The following MYT1 variants were observed in gnomAD, a reference collection of about 807,000 sequenced individuals.
The protein encoded by MYT1 is myelin transcription factor 1, also known as myelin transcription factor I.
In MYT1, 23 loss-of-function variants were observed where a neutral mutation model predicts 123.0. That is an observed-to-expected ratio of 0.19 (90% confidence interval 0.13 to 0.26). The LOEUF (loss-of-function observed/expected upper bound fraction) is 0.26, where lower values mean the gene tolerates loss of function less well. MYT1 is among the 10% of genes least tolerant of loss of function. MYT1 has a pLI of 1.00. For missense variants in MYT1, 1,125 were observed against 1,472.5 expected, an observed-to-expected ratio of 0.76 and a Z score of 3.86; for synonymous variants, 518 against 575.3, an observed-to-expected ratio of 0.90 and a Z score of 1.43.
chr20:64,213,594 G>A lies in MYT1; in HGVS notation c.1578G>A (p.Gln526=), dbSNP rs934206333. ...EKLAKSHEKQ[Q]PQTGDPSKSS... ...TAGCCAAATCCCATGAGAAGCAGCAGCCGCAGACAGGAGATCCTTCCAAGA... is the reference window on the plus strand; with the variant it reads ...TAGCCAAATCCCATGAGAAGCAGCAACCGCAGACAGGAGATCCTTCCAAGA... The change falls in exon 10 of 23, where the codon CAG becomes CAA. Residue 526 remains glutamine, a synonymous_variant. Transcript: ENST00000328439. This position sits in a 1 kb window ranked among gnomAD's most constrained non-coding sequence, Gnocchi z 5.6. 6.2e-7 allele frequency: 1 copy of A among 1,614,140 alleles called. No homozygotes were observed.
At position 64,207,893 on chromosome 20, in the gene MYT1, C is replaced by G; in HGVS notation, c.697C>G (p.Gln233Glu). The change falls in exon 7 of 23, where the codon CAG (glutamine) becomes GAG (glutamate). Residue 233 changes from glutamine (Q) to glutamate (E), a missense_variant. By Grantham distance (29) the Gln-to-Glu change is conservative. Coordinates refer to ENST00000328439, the MANE Select transcript of MYT1 (RefSeq NM_004535.3). ...EVVEVTTERS[Q>E]DLCPQSLEDA... ...CGTCGAAGTCACCACCGAGCGCTCC[C>G]AGGACCTGTGTCCCCAGTCCCTGGA... 6.8e-6 allele frequency: 11 copies of G among 1,613,062 alleles called. No individual in the cohort carries two copies. Among genetic ancestry groups the G allele is most frequent in the Non-Finnish European group, 9.3e-6 (11 of 1,179,770 alleles).
chr20:64,207,457 T>G, intron 6 of MYT1, 137 bp from the exon 7 acceptor site: 2 of 1,447,236 alleles, frequency 1.4e-6, no homozygotes, highest in Admixed American at 2.4e-5. Flanking sequence ...ACTTCTGGAG[T>G]TTCATGTTTC....
chr20:64,169,381 G>A (rs1982177180), intron 1 of MYT1, among the ~76,000 whole-genome samples: 1 of 152,200 alleles, frequency 6.6e-6, no homozygotes, highest in African/African-American at 2.4e-5. Flanking sequence ...AAAGCGCTTG[G>A]GTCTTTACAC....
At position 64,192,768 on chromosome 20, in the gene MYT1, A is replaced by G. The variant is rs945112171; in HGVS notation, c.-1+2608A>G. The stretch of plus-strand genomic sequence containing the variant: ...AACCCTTCTTCCTGCCACCCAGGGC[A>G]GGAGGTGCCTCTGGCAAGGACTACT... On this transcript the variant is annotated intron_variant, in intron 2 of 22. Coordinates refer to ENST00000328439, the MANE Select transcript of MYT1 (RefSeq NM_004535.3). The surrounding 1 kb of genome is among the most constrained non-coding windows in gnomAD (Gnocchi z 5.3). 6.6e-6 allele frequency among the ~76,000 whole-genome samples: 1 copy of G among 152,244 alleles called. No homozygotes were observed. Among genetic ancestry groups the G allele is most frequent in the African/African-American group, 2.4e-5 (1 of 41,480 alleles).
rs922296370 is a variant in MYT1, at chr20:64,202,359, A to G, written c.86+2437A>G. ...GAGAACTGATGACGTTTCAGCTTGT[A>G]TTTTTGCCTGGGTCCATCTGTTGTC... On this transcript the variant is annotated intron_variant, in intron 4 of 22. Coordinates refer to ENST00000328439, the MANE Select transcript of MYT1 (RefSeq NM_004535.3). This position sits in a 1 kb window ranked among gnomAD's most constrained non-coding sequence, Gnocchi z 5.0. 1.1e-4 allele frequency among the ~76,000 whole-genome samples: 16 copies of G among 151,884 alleles called. No individual in the cohort carries two copies. Among genetic ancestry groups the G allele is most frequent in the African/African-American group, 3.4e-4 (14 of 41,314 alleles).
At position 64,191,624 on chromosome 20, in the gene MYT1, A is replaced by C. The variant is rs539368368; in HGVS notation, c.-1+1464A>C. 1 of 152,336 alleles carries C rather than the reference A, an allele frequency of 6.6e-6. No homozygotes were observed. Among genetic ancestry groups the C allele is most frequent in the African/African-American group, 2.4e-5 (1 of 41,568 alleles). The allele number at this position is 152,336 out of a possible 1,614,324, so 9.4% of individuals were successfully genotyped here. A position where few individuals can be genotyped will look rare whatever the true frequency, so the allele number is the denominator to read the frequency against. Reference sequence around the variant, plus strand: ...TGCTTGTGTTTTACTCTCAAAACCCAACCTTTTTCTTTTGAATCTGGTGGC... The same window carrying C: ...TGCTTGTGTTTTACTCTCAAAACCCCACCTTTTTCTTTTGAATCTGGTGGC... On this transcript the variant is annotated intron_variant, in intron 2 of 22. Coordinates refer to ENST00000328439, the MANE Select transcript of MYT1 (RefSeq NM_004535.3). The surrounding 1 kb of genome is among the most constrained non-coding windows in gnomAD (Gnocchi z 4.1).
intron 19 of MYT1, among the ~76,000 whole-genome samples, chr20:64,235,608 C>T (rs1180016927): frequency 3.1e-4 from 27 of 88,456 alleles, no homozygotes; most frequent in South Asian, 8.6e-4. Context: ...TGGGTGACCC[C>T]GAGCTGGCTG....
At chr20:64,224,183 G>T (rs1173009109) in intron 16 of MYT1, among the ~76,000 whole-genome samples, 1 of 152,208 alleles carries the variant, frequency 6.6e-6, no homozygotes, top group Non-Finnish European at 1.5e-5. Context: ...GGCCTTGGAG[G>T]AAGGGGGTCC....
At chr20:64,199,124 T>C (rs1266290768) in intron 3 of MYT1, among the ~76,000 whole-genome samples, 1 of 152,206 alleles carries the variant, frequency 6.6e-6, no homozygotes, top group African/African-American at 2.4e-5. Context: ...TGAACCTGCC[T>C]TGAGGGCAGA....
chr20:64,213,562 G>A lies in MYT1; in HGVS notation c.1546G>A (p.Glu516Lys), dbSNP rs1262501301. 27 of 1,613,916 alleles carry A rather than the reference G, an allele frequency of 1.7e-5. No individual in the cohort carries two copies. The highest frequency in any genetic ancestry group is 1.7e-4 in the Admixed American group (10 of 59,996). Residue 516 changes from glutamate (E) to lysine (K), a missense_variant, in exon 10 of 23, where the codon GAA becomes AAA. Physicochemically the swap from Glu to Lys is moderately conservative, Grantham distance 56. Transcript: ENST00000328439. This position sits in a 1 kb window ranked among gnomAD's most constrained non-coding sequence, Gnocchi z 5.6. Reference protein sequence around the residue: ...SLSGCPIAAAEKLAKSHEKQQ... With the variant: ...SLSGCPIAAAKKLAKSHEKQQ... ...GTCTGGGTGTCCCATTGCTGCCGCC[G>A]AAAAATTAGCCAAATCCCATGAGAA...
intron 21 of MYT1, among the ~76,000 whole-genome samples, chr20:64,238,654 T>TCCCC (rs1348348064): frequency 9.0e-6 from 1 of 110,666 alleles, no homozygotes; most frequent in African/African-American, 3.6e-5. Flanking sequence ...CCCCTCCTGG[T>TCCCC]GTCTCTGAGT....
At chr20:64,230,713 T>C (rs1257003209) in intron 18 of MYT1, among the ~76,000 whole-genome samples, 1 of 152,152 alleles carries the variant, frequency 6.6e-6, no homozygotes, top group Non-Finnish European at 1.5e-5. Flanking sequence ...AAAGCTCCCA[T>C]AGGGGCCCCT....
intron 2 of MYT1, among the ~76,000 whole-genome samples, chr20:64,198,150 G>A (rs977891506): frequency 2.6e-4 from 39 of 151,974 alleles, no homozygotes; most frequent in Non-Finnish European, 3.8e-4. Context: ...AGCCGGGCGT[G>A]GTAGCGGGCG....
At chr20:64,223,429 C>T in intron 16 of MYT1, 70 bp downstream of exon 16, 2 of 1,557,414 alleles carry the variant, frequency 1.3e-6, no homozygotes, top group Admixed American at 1.7e-5. Context: ...CCATGAGGCT[C>T]CTGCCAAAAT....
chr20:64,184,039 C>G (rs778777871), intron 1 of MYT1, among the ~76,000 whole-genome samples: 1 of 152,106 alleles, frequency 6.6e-6, no homozygotes, highest in South Asian at 2.1e-4. Context: ...AGGCTGGTCT[C>G]GAACCCCTGA....
rs538192212 is a variant in MYT1, at chr20:64,192,898, G to A, written c.-1+2738G>A. On this transcript the variant is annotated intron_variant, in intron 2 of 22. Transcript: ENST00000328439. This position sits in a 1 kb window ranked among gnomAD's most constrained non-coding sequence, Gnocchi z 5.3. ...CTGGGTGGGTATAAATTCCATTTAT[G>A]CTGGAGTTTTTAACAGACGGTTGCA... 4.6e-5 allele frequency among the ~76,000 whole-genome samples: 7 copies of A among 152,310 alleles called. No homozygotes were observed. The South Asian group carries it at 1.5e-3, about 32-fold the overall frequency.
intron 2 of MYT1, among the ~76,000 whole-genome samples, chr20:64,195,368 G>GTGTGTA (rs1983081981): frequency 9.9e-6 from 1 of 101,006 alleles, no homozygotes; most frequent in South Asian, 3.5e-4. Flanking sequence ...GTGTGTGTGT[G>GTGTGTA]TGTGTGTGTG....
chr20:64,223,434 C>G, intron 16 of MYT1, 75 bp downstream of exon 16: 1 of 1,516,416 alleles, frequency 6.6e-7, no homozygotes, highest in Non-Finnish European at 9.1e-7. Flanking sequence ...AGGCTCCTGC[C>G]AAAATCAGCC....
At position 64,218,869 on chromosome 20, in the gene MYT1, C is replaced by G. The variant is rs908058382; in HGVS notation, c.1847-42C>G. The G allele has an allele frequency of 6.2e-7, 1 of 1,612,444 alleles. No homozygotes were observed. On this transcript the variant is annotated intron_variant, in intron 11 of 22. Coordinates refer to ENST00000328439, the MANE Select transcript of MYT1 (RefSeq NM_004535.3). The surrounding 1 kb of genome is among the most constrained non-coding windows in gnomAD (Gnocchi z 4.0). Reference sequence around the variant, plus strand: ...AAGGCCTCTTCCCCCAGGCACAGCCCCTCCAGTAGTTATGTGAGGAGCACT... The same window carrying G: ...AAGGCCTCTTCCCCCAGGCACAGCCGCTCCAGTAGTTATGTGAGGAGCACT...
Sources: allele counts gnomAD v4.1 joint callset (sites outside exome capture counted in the v4.1 genomes callset), GRCh38; gene constraint gnomAD v4.1.1; non-coding constraint Gnocchi (gnomAD v3.1); transcripts MANE v1.5; gene names NCBI Gene and HGNC (gene_info 2026-07-23, HGNC 2026-07-21).